Variants in DDC observed in about 807,000 individuals in gnomAD.
DDC encodes the protein aromatic-L-amino-acid decarboxylase.
DDC carries 43 observed loss-of-function variants against 60.0 expected under a neutral mutation model. That is an observed-to-expected ratio of 0.72 (90% CI 0.56 to 0.92). DDC has a LOEUF of 0.92. Among genes scored for constraint, DDC ranks in the 40% least tolerant of loss-of-function variants. The pLI is 0.00. For missense variants in DDC, 573 were observed against 620.2 expected (o/e 0.92, Z 0.81); for synonymous variants, 232 against 234.6 (o/e 0.99, Z 0.10).
Position 50,463,234 on chromosome 7 carries a change from C to T in DDC, c.1440G>A (p.Glu480=). 6.2e-7 allele frequency: 1 copy of T among 1,610,922 alleles called. No homozygotes were observed. Among genetic ancestry groups the T allele is most frequent in the East Asian group, 2.2e-5 (1 of 44,808 alleles). ...CTACCTGCAGCTGGCTTCACTCCTA[C>T]TCCCTCTCTGCTCGCAGCACGTCGG... ...LAADVLRAER[E] Residue 480 remains glutamate, a synonymous_variant, in exon 14 of 15, where the codon GAG becomes GAA. Transcript: ENST00000444124.
chr7:50,471,896 G>C (rs997658806), intron 11 of DDC, among the ~76,000 whole-genome samples: 2 of 152,168 alleles, frequency 1.3e-5, no homozygotes, highest in Non-Finnish European at 2.9e-5. Flanking sequence ...CAGCATGGGC[G>C]CTGTGTTCCA....
chr7:50,496,489 A>G (rs6957607), intron 8 of DDC, among the ~76,000 whole-genome samples: 20,517 of 152,118 alleles, frequency 0.13, 1,679 homozygotes, highest in Admixed American at 0.22. Flanking sequence ...CTCTGGCTGC[A>G]TGCATCAGTG....
intron 6 of DDC, among the ~76,000 whole-genome samples, chr7:50,512,085 TA>T (rs1202202340): frequency 2.6e-5 from 4 of 152,062 alleles, no homozygotes; most frequent in Non-Finnish European, 5.9e-5. Flanking sequence ...AAAAATAAAA[TA>T]AAGCACACAG....
At chr7:50,470,001 A>G in intron 12 of DDC, 72 bp downstream of exon 12, 1 of 1,034,248 alleles carries the variant, frequency 9.7e-7, no homozygotes, top group Non-Finnish European at 1.5e-6. Flanking sequence ...AAGAAAAAAA[A>G]TTTGAATTTA....
At chr7:50,529,487 A>T in intron 4 of DDC, 145 bp from the exon 5 acceptor site, 2 of 954,224 alleles carry the variant, frequency 2.1e-6, no homozygotes, top group Non-Finnish European at 3.2e-6. Flanking sequence ...TTTGCTTAGG[A>T]GAAAACTAAT....
At chr7:50,525,510 TC>T (rs1262082407) in intron 6 of DDC, among the ~76,000 whole-genome samples, 4 of 152,216 alleles carry the variant, frequency 2.6e-5, no homozygotes, top group Non-Finnish European at 5.9e-5. Flanking sequence ...ACTCCTGTAA[TC>T]CCAGCACTTT....
At chr7:50,484,305 T>G (rs1363890786) in intron 9 of DDC, among the ~76,000 whole-genome samples, 1 of 152,216 alleles carries the variant, frequency 6.6e-6, no homozygotes, top group Non-Finnish European at 1.5e-5. Flanking sequence ...TCTTATTGCT[T>G]TCTTCCTTTT....
intron 4 of DDC, among the ~76,000 whole-genome samples, chr7:50,532,559 G>A (rs961879793): frequency 3.3e-5 from 5 of 152,036 alleles, no homozygotes; most frequent in African/African-American, 1.2e-4. Flanking sequence ...AACTTTCTGG[G>A]ACTCAATATC....
intron 2 of DDC, chr7:50,543,374 G>A (rs2044697467): frequency 4.4e-6 from 1 of 227,870 alleles, no homozygotes; most frequent in African/African-American, 2.3e-5. Flanking sequence ...GTGTACCCCA[G>A]GCCTACTGGC....
intron 9 of DDC, chr7:50,492,896 A>G (rs770738632): frequency 2.5e-6 from 4 of 1,593,868 alleles, no homozygotes; most frequent in South Asian, 1.1e-5. Flanking sequence ...GCCTCGGGGC[A>G]TCAGCTCTGC....
intron 14 of DDC, chr7:50,459,765 C>G (rs1445714921): frequency 3.8e-5 from 6 of 157,628 alleles, no homozygotes; most frequent in African/African-American, 1.4e-4. Context: ...GCCCGGCAGC[C>G]ACCCCATCCG....
intron 1 of DDC, among the ~76,000 whole-genome samples, chr7:50,560,467 T>C (rs953556795): frequency 2.6e-5 from 4 of 152,164 alleles, no homozygotes; most frequent in Non-Finnish European, 5.9e-5. Context: ...CGCCCCTTTA[T>C]AAAATCAAAC....
chr7:50,495,549 C>T, intron 8 of DDC, 132 bp from the exon 9 acceptor site: 2 of 740,094 alleles, frequency 2.7e-6, no homozygotes, highest in Admixed American at 4.2e-5. Flanking sequence ...GGTAGGGTTG[C>T]CCAGGGGAGT....
chr7:50,558,674 G>A (rs957197030), intron 1 of DDC, among the ~76,000 whole-genome samples: 2 of 152,158 alleles, frequency 1.3e-5, no homozygotes, highest in Non-Finnish European at 2.9e-5. Context: ...AGTAAGTGAA[G>A]GAGTGGGTGC....
chr7:50,518,844 A>C (rs6592973), intron 6 of DDC, among the ~76,000 whole-genome samples: 110,673 of 152,124 alleles, frequency 0.73, 40,568 homozygotes, highest in East Asian at 0.8. Flanking sequence ...GATTTCATGA[A>C]CAAGAACCCA....
chr7:50,547,233 C>T (rs1357811132), intron 1 of DDC, among the ~76,000 whole-genome samples: 5 of 148,838 alleles, frequency 3.4e-5, no homozygotes, highest in East Asian at 2.0e-4. Context: ...TTTTTTGAGA[C>T]GGAGTCTTGC....
intron 5 of DDC, 100 bp from the exon 6 acceptor site, chr7:50,528,380 G>C: frequency 6.7e-7 from 1 of 1,490,656 alleles, no homozygotes; most frequent in Non-Finnish European, 9.3e-7. Flanking sequence ...CAAACACAAG[G>C]TCCCTCTTAA....
chr7:50,539,653 T>G lies in DDC; in HGVS notation c.315+262A>C, dbSNP rs529963743. 2.6e-5 allele frequency among the ~76,000 whole-genome samples: 4 copies of G among 152,298 alleles called. No homozygotes were observed. The South Asian group carries it at 8.3e-4, about 32-fold the overall frequency. Reference sequence around the variant, plus strand: ...TGCAGAAACTCTGGGCCCCAGACCATGATGTTAGTTCATACCAAGTGCTTC... The same window carrying G: ...TGCAGAAACTCTGGGCCCCAGACCAGGATGTTAGTTCATACCAAGTGCTTC... On this transcript the variant is annotated intron_variant, in intron 3 of 14. Transcript: ENST00000444124.
At chr7:50,490,696 A>G (rs1403042596) in intron 9 of DDC, among the ~76,000 whole-genome samples, 1 of 152,194 alleles carries the variant, frequency 6.6e-6, no homozygotes, top group Non-Finnish European at 1.5e-5. Flanking sequence ...CTCAACAACA[A>G]CAACAACAAC....
Sources: gnomAD v4.1 joint callset for allele counts (sites outside exome capture counted in the v4.1 genomes callset) on GRCh38, gnomAD v4.1.1 for gene constraint, MANE v1.5 for transcripts, NCBI Gene and HGNC (gene_info 2026-07-23, HGNC 2026-07-21) for gene names.